The following CCBE1 variants were observed in gnomAD, a reference collection of about 807,000 sequenced individuals.
CCBE1 encodes collagen and calcium-binding EGF domain-containing protein 1.
In CCBE1, 37 loss-of-function variants were observed where a neutral mutation model predicts 50.0. The ratio of observed to expected loss-of-function variants is 0.74; its 90% CI spans 0.57 to 0.97. The LOEUF (loss-of-function observed/expected upper bound fraction) is 0.97, where lower values mean the gene tolerates loss of function less well. Among genes scored for constraint, CCBE1 ranks in the 50% least tolerant of loss-of-function variants. The pLI, the probability that CCBE1 is intolerant of heterozygous loss-of-function variation, is 0.00. For synonymous variants in CCBE1, 234 were observed against 203.7 expected, an observed-to-expected ratio of 1.15 and a Z score of -1.27; for missense variants, 538 against 523.8, an observed-to-expected ratio of 1.03 and a Z score of -0.26.
At chr18:59,561,311 C>T (rs916534863) in intron 2 of CCBE1, among the ~76,000 whole-genome samples, 2 of 152,160 alleles carry the variant, frequency 1.3e-5, no homozygotes, top group African/African-American at 4.8e-5. Flanking sequence ...ATGTATTGGG[C>T]CTGCATGCCC....
chr18:59,637,819 C>A (rs976506450), intron 2 of CCBE1, among the ~76,000 whole-genome samples: 2 of 152,106 alleles, frequency 1.3e-5, no homozygotes, highest in Admixed American at 1.3e-4. Context: ...ATTTCTGTAA[C>A]CATTCATTAA....
intron 2 of CCBE1, among the ~76,000 whole-genome samples, chr18:59,489,349 A>AG (rs1912978753): frequency 6.6e-6 from 1 of 152,370 alleles, no homozygotes; most frequent in East Asian, 1.9e-4. Flanking sequence ...TCAGATGGCC[A>AG]GAGCCCCAAG....
intron 2 of CCBE1, among the ~76,000 whole-genome samples, chr18:59,639,994 TCAAA>T (rs984611167): frequency 4.6e-5 from 7 of 152,044 alleles, no homozygotes; most frequent in Admixed American, 4.6e-4. Flanking sequence ...CAAAGATGAC[TCAAA>T]CAGATGGAAA....
chr18:59,476,878 AACC>A (rs1453885448), intron 3 of CCBE1, among the ~76,000 whole-genome samples: 2 of 152,214 alleles, frequency 1.3e-5, no homozygotes, highest in African/African-American at 4.8e-5. Flanking sequence ...TTTGTCCCAT[AACC>A]AGGATTCACA....
At chr18:59,447,836 T>G in intron 7 of CCBE1, 147 bp downstream of exon 7, 1 of 1,194,394 alleles carries the variant, frequency 8.4e-7, no homozygotes, top group Non-Finnish European at 1.2e-6. Context: ...GCTCTCTCAT[T>G]GCATGGGTGT....
At chr18:59,594,036 T>C (rs1360669082) in intron 2 of CCBE1, among the ~76,000 whole-genome samples, 5 of 152,198 alleles carry the variant, frequency 3.3e-5, no homozygotes, top group Admixed American at 2.6e-4. Flanking sequence ...TCCCCAGAAG[T>C]CTAGATGAAG....
At chr18:59,451,346 CCTT>C (rs1568145832) in intron 6 of CCBE1, among the ~76,000 whole-genome samples, 1 of 151,448 alleles carries the variant, frequency 6.6e-6, no homozygotes, top group Non-Finnish European at 1.5e-5. Flanking sequence ...CCAGCCCTCT[CCTT>C]CTGGAGTCTC....
chr18:59,479,774 G>C, intron 3 of CCBE1, among the ~76,000 whole-genome samples: 1 of 152,184 alleles, frequency 6.6e-6, no homozygotes, highest in East Asian at 1.9e-4. Flanking sequence ...GTGCTGGGTT[G>C]AACACTCAGG....
chr18:59,458,384 C>CG (rs58475602), intron 5 of CCBE1, among the ~76,000 whole-genome samples: 16,343 of 152,180 alleles, frequency 0.11, 953 homozygotes, highest in African/African-American at 0.15. Context: ...GTTGGCAGAG[C>CG]GGGGCCGCCA....
At chr18:59,626,756 T>C (rs1188101163) in intron 2 of CCBE1, among the ~76,000 whole-genome samples, 1 of 152,250 alleles carries the variant, frequency 6.6e-6, no homozygotes, top group East Asian at 1.9e-4. Context: ...ATGCCACCTC[T>C]ATGGGAATTT....
intron 2 of CCBE1, among the ~76,000 whole-genome samples, chr18:59,665,693 A>G (rs117191585): frequency 2.0e-5 from 3 of 152,110 alleles, no homozygotes; most frequent in Non-Finnish European, 2.9e-5. Flanking sequence ...CAACAGCAGC[A>G]CTGTTTACGG....
At chr18:59,668,378 C>T (rs190827535) in intron 2 of CCBE1, among the ~76,000 whole-genome samples, 13 of 151,944 alleles carry the variant, frequency 8.6e-5, no homozygotes, top group African/African-American at 2.9e-4. Flanking sequence ...GATCACACCA[C>T]TGCACTCCAG....
chr18:59,569,685 C>T (rs1413084745), intron 2 of CCBE1, among the ~76,000 whole-genome samples: 1 of 151,640 alleles, frequency 6.6e-6, no homozygotes, highest in Non-Finnish European at 1.5e-5. Flanking sequence ...GGATAGAGTA[C>T]AGCAGCACAA....
rs758192052 is a variant in CCBE1, at chr18:59,624,175, G to C, written c.212+72454C>G. ...ATGGAAGTGCTTTTCAACTCTAGCT[G>C]CCTCGTTCTTTGCTGCAAGGCCACA... On this transcript the variant is annotated intron_variant, in intron 2 of 10. Coordinates refer to ENST00000439986, the MANE Select transcript of CCBE1 (RefSeq NM_133459.4). 1.4e-4 allele frequency among the ~76,000 whole-genome samples: 21 copies of C among 152,226 alleles called. 1 individual carries two copies. The highest frequency in any genetic ancestry group is 1.2e-3 in the Admixed American group (18 of 15,288).
intron 2 of CCBE1, among the ~76,000 whole-genome samples, chr18:59,661,489 C>T (rs2054284951): frequency 1.3e-5 from 2 of 152,252 alleles, no homozygotes; most frequent in South Asian, 4.1e-4. Context: ...GGGGTGAGAA[C>T]AAGTCAATCC....
At chr18:59,595,196 A>C (rs1418264749) in intron 2 of CCBE1, among the ~76,000 whole-genome samples, 1 of 148,914 alleles carries the variant, frequency 6.7e-6, no homozygotes, top group Non-Finnish European at 1.5e-5. Context: ...TCCCTTGCAC[A>C]GGCCTGGCCA....
At chr18:59,696,536 C>T in intron 2 of CCBE1, 93 bp downstream of exon 2, 2 of 1,594,152 alleles carry the variant, frequency 1.3e-6, no homozygotes, top group Non-Finnish European at 1.7e-6. Flanking sequence ...GCTCCGGTCC[C>T]AAGCGCGTCT....
chr18:59,687,054 C>T lies in CCBE1; in HGVS notation c.212+9575G>A, dbSNP rs115566839. Among the ~76,000 whole-genome samples the T allele has an allele frequency of 9.6e-3, 1,455 of 152,252 alleles. 23 individuals are homozygous for T. The highest frequency in any genetic ancestry group is 0.034 in the African/African-American group (1,407 of 41,552). On this transcript the variant is annotated intron_variant, in intron 2 of 10. Coordinates refer to ENST00000439986, the MANE Select transcript of CCBE1 (RefSeq NM_133459.4). ...GTGGGTTCCCAGGAAGGCACCTCAG[C>T]TCTACCATGCAATTTCACACCACAA...
chr18:59,488,157 A>G (rs1265283821), intron 2 of CCBE1, among the ~76,000 whole-genome samples: 2 of 152,240 alleles, frequency 1.3e-5, no homozygotes, highest in African/African-American at 4.8e-5. Flanking sequence ...AGAGACAGAA[A>G]GTGGAAGCGT....
Sources: allele counts gnomAD v4.1 joint callset (sites outside exome capture counted in the v4.1 genomes callset), GRCh38; gene constraint gnomAD v4.1.1; transcripts MANE v1.5; gene names NCBI Gene and HGNC (gene_info 2026-07-23, HGNC 2026-07-21).